RYR3: variants seen among roughly 807,000 people sequenced by gnomAD.
RYR3 encodes the protein brain ryanodine receptor-calcium release channel.
A neutral mutation model predicts 584.3 loss-of-function variants in RYR3; 207 were observed. That is an observed-to-expected ratio of 0.35 (90% CI 0.32 to 0.40). The LOEUF (loss-of-function observed/expected upper bound fraction) is 0.40, where lower values mean the gene tolerates loss of function less well. Ranked by LOEUF, RYR3 falls within the 10% of genes least tolerant of loss-of-function variation. RYR3 has a pLI of 1.00. For missense variants in RYR3, 5,616 were observed against 6,089.2 expected, an observed-to-expected ratio of 0.92 and a Z score of 2.59; for synonymous variants, 2,416 against 2,248.5, an observed-to-expected ratio of 1.07 and a Z score of -2.11.
intron 1 of RYR3, among the ~76,000 whole-genome samples, chr15:33,471,630 T>C (rs1803257119): frequency 6.6e-6 from 1 of 151,970 alleles, no homozygotes; most frequent in African/African-American, 2.4e-5. Context: ...TTACACTTCT[T>C]TGATTTCTAA....
chr15:33,627,182 G>A (rs551513790), intron 20 of RYR3, among the ~76,000 whole-genome samples: 24 of 152,276 alleles, frequency 1.6e-4, no homozygotes, highest in South Asian at 4.2e-4. Flanking sequence ...TGTGGGTCCC[G>A]TGTTAGCCAT....
intron 1 of RYR3, among the ~76,000 whole-genome samples, chr15:33,450,087 TAAAA>T (rs10647466): frequency 3.3e-4 from 22 of 67,320 alleles, no homozygotes; most frequent in Non-Finnish European, 4.3e-4. Flanking sequence ...CATTAATACC[TAAAA>T]AAAAAAAAAA....
At chr15:33,356,405 A>G (rs1973978744) in intron 1 of RYR3, among the ~76,000 whole-genome samples, 1 of 152,228 alleles carries the variant, frequency 6.6e-6, no homozygotes. Context: ...AAATAAGAGT[A>G]GGTGAGGGTG....
Position 33,788,441 on chromosome 15 carries a change from C to A in RYR3, c.9813C>A (p.Arg3271=). The change falls in exon 67 of 104, where the codon CGC becomes CGA. Residue 3271 remains arginine, a synonymous_variant. Coordinates refer to ENST00000634891, the MANE Select transcript of RYR3 (RefSeq NM_001036.6). ...DLYAFYPMLI[R]YVDNNRSNWL... ...ATGCCTTCTACCCCATGCTGATCCG[C>A]TACGTGGACAACAACAGGTACGGAG... 1 of 1,613,832 alleles carries A rather than the reference C, an allele frequency of 6.2e-7. No individual in the cohort carries two copies. Among genetic ancestry groups the A allele is most frequent in the Non-Finnish European group, 8.5e-7 (1 of 1,179,728 alleles).
At chr15:33,792,053 G>A (rs2075193403) in intron 67 of RYR3, among the ~76,000 whole-genome samples, 1 of 152,176 alleles carries the variant, frequency 6.6e-6, no homozygotes, top group African/African-American at 2.4e-5. Context: ...TCAACAGACT[G>A]AAAGGCCATG....
intron 88 of RYR3, 149 bp downstream of exon 88, chr15:33,837,136 A>C: frequency 1.6e-6 from 1 of 618,738 alleles, no homozygotes; most frequent in Non-Finnish European, 2.9e-6. Flanking sequence ...GAAAAATAAA[A>C]TGAGGGGCAC....
chr15:33,755,921 C>G (rs977188200), intron 58 of RYR3, among the ~76,000 whole-genome samples: 1 of 152,062 alleles, frequency 6.6e-6, no homozygotes, highest in Non-Finnish European at 1.5e-5. Context: ...AGGTGCCCAC[C>G]ACCACGCCTG....
rs139635750 is a variant in RYR3 at position 33,443,162 on chromosome 15, G to C, written c.52-30257G>C. Reference sequence around the variant, plus strand: ...TAATCCCAGCTACTCTGGAGGCTCAGGTGGGAGAATTCCTTGAACTAGGGA... The same window carrying C: ...TAATCCCAGCTACTCTGGAGGCTCACGTGGGAGAATTCCTTGAACTAGGGA... On this transcript the variant is annotated intron_variant, in intron 1 of 103. Transcript: ENST00000634891. 2.0e-4 allele frequency among the ~76,000 whole-genome samples: 31 copies of C among 152,208 alleles called. 1 individual carries two copies. Among genetic ancestry groups the C allele is most frequent in the Middle Eastern group, 3.4e-3 (1 of 294 alleles).
At chr15:33,380,003 C>G (rs1595905371) in intron 1 of RYR3, among the ~76,000 whole-genome samples, 1 of 152,092 alleles carries the variant, frequency 6.6e-6, no homozygotes, top group African/African-American at 2.4e-5. Context: ...CCAGAAGATT[C>G]AGCAAGCAAG....
intron 45 of RYR3, among the ~76,000 whole-genome samples, chr15:33,725,695 T>C (rs953822531): frequency 1.3e-5 from 2 of 151,482 alleles, no homozygotes; most frequent in Admixed American, 1.3e-4. Flanking sequence ...CGTGGTGGTT[T>C]ACGCCTGTGA....
chr15:33,533,891 A>G (rs2055094618), intron 5 of RYR3, among the ~76,000 whole-genome samples: 1 of 101,054 alleles, frequency 9.9e-6, no homozygotes, highest in Non-Finnish European at 2.3e-5. Flanking sequence ...CATTTACTTT[A>G]TGATTTTATT....
chr15:33,477,560 G>C (rs1425272103), intron 2 of RYR3, among the ~76,000 whole-genome samples: 1 of 127,582 alleles, frequency 7.8e-6, no homozygotes. Flanking sequence ...GGAATTTAAA[G>C]GTATCTTGTT....
At position 33,731,581 on chromosome 15, in the gene RYR3, C is replaced by G. The variant is rs372825727; in HGVS notation, c.7311C>G (p.His2437Gln). ...RCAPLFAGTE[H>Q]CTSLIDSTLQ... is the part of the protein sequence containing the mutation. ...CCCCTCTCTTTGCCGGAACAGAACACTGCACCTCTCTGATTGATTCCACAC... is the reference window on the plus strand; with the variant it reads ...CCCCTCTCTTTGCCGGAACAGAACAGTGCACCTCTCTGATTGATTCCACAC... Residue 2437 changes from histidine to glutamine, a missense_variant, in exon 48 of 104, where the codon CAC (histidine) becomes CAG (glutamine). Physicochemically the swap from His to Gln is conservative, Grantham distance 24. Transcript: ENST00000634891. 3.7e-6 allele frequency: 6 copies of G among 1,613,770 alleles called. No homozygotes were observed. Among genetic ancestry groups the G allele is most frequent in the Non-Finnish European group, 5.1e-6 (6 of 1,179,668 alleles).
In RYR3 at chr15:33,774,237, C is replaced by G. The variant is rs116765234; in HGVS notation, c.9137+622C>G. Among the ~76,000 whole-genome samples, 1,340 of 152,268 alleles carry G rather than the reference C, an allele frequency of 8.8e-3. 28 individuals are homozygous for G. The highest frequency in any genetic ancestry group is 0.031 in the African/African-American group (1,302 of 41,556). On this transcript the variant is annotated intron_variant, in intron 64 of 103. Coordinates refer to ENST00000634891, the MANE Select transcript of RYR3 (RefSeq NM_001036.6). ...TTTTCAGCATCAAATGCCTTGTGTT[C>G]TGTTGTTGTTCTGTTTAATCCATGG...
chr15:33,651,070 T>C (rs544820332), intron 31 of RYR3, among the ~76,000 whole-genome samples: 34 of 152,354 alleles, frequency 2.2e-4, no homozygotes, highest in African/African-American at 7.7e-4. Context: ...GATTACTTCA[T>C]TTATCTGAGC....
chr15:33,496,895 G>T (rs2051479813), intron 2 of RYR3, among the ~76,000 whole-genome samples: 1 of 151,884 alleles, frequency 6.6e-6, no homozygotes, highest in South Asian at 2.1e-4. Flanking sequence ...AAAGTCTCGT[G>T]TACAGTAGAT....
intron 1 of RYR3, among the ~76,000 whole-genome samples, chr15:33,451,564 C>T (rs1281634257): frequency 6.6e-6 from 1 of 152,142 alleles, no homozygotes; most frequent in African/African-American, 2.4e-5. Context: ...GCGTCAGTGA[C>T]GTCTGCAGCA....
chr15:33,419,106 GAA>G (rs2044040229), intron 1 of RYR3, among the ~76,000 whole-genome samples: 1 of 152,068 alleles, frequency 6.6e-6, no homozygotes, highest in Non-Finnish European at 1.5e-5. Context: ...CAAGTAGAAA[GAA>G]AGAGATTAGA....
At chr15:33,598,808 C>T (rs1303940484) in intron 16 of RYR3, among the ~76,000 whole-genome samples, 1 of 151,820 alleles carries the variant, frequency 6.6e-6, no homozygotes, top group African/African-American at 2.4e-5. Context: ...AATCCCAGCA[C>T]TTTGGGAGGC....
Sources: gnomAD v4.1 joint callset for allele counts (sites outside exome capture counted in the v4.1 genomes callset) on GRCh38, gnomAD v4.1.1 for gene constraint, MANE v1.5 for transcripts, NCBI Gene and HGNC (gene_info 2026-07-23, HGNC 2026-07-21) for gene names.